ADGRG6: variants seen among roughly 807,000 people sequenced by gnomAD.
The protein encoded by ADGRG6 is adhesion G protein-coupled receptor G6.
Under a neutral mutation model 142.4 loss-of-function variants are expected in ADGRG6, and 84 were observed. The ratio of observed to expected loss-of-function variants is 0.59; its 90% CI spans 0.49 to 0.71. The LOEUF is 0.71. Among genes scored for constraint, ADGRG6 ranks in the 30% least tolerant of loss-of-function variants. ADGRG6 has a pLI of 0.00. For synonymous variants in ADGRG6, 521 were observed against 520.5 expected, an observed-to-expected ratio of 1.00 and a Z score of -0.01; for missense variants, 1,367 against 1,466.6, an observed-to-expected ratio of 0.93 and a Z score of 1.11.
chr6:142,374,696 C>T (rs1204149837), intron 4 of ADGRG6, among the ~76,000 whole-genome samples: 2 of 152,200 alleles, frequency 1.3e-5, no homozygotes, highest in African/African-American at 4.8e-5. Context: ...GTGGCAGAGG[C>T]AGTTGGTGGG....
rs71643377 is a variant in ADGRG6, at chr6:142,370,813, C to CT, written c.1069+37dup. On this transcript the variant is annotated intron_variant, in intron 4 of 24. Coordinates refer to ENST00000367609, the MANE Select transcript of ADGRG6 (RefSeq NM_198569.3). The stretch of plus-strand genomic sequence containing the variant: ...GCTGTGGTGAGTTTGTAGCGTATTC[C>CT]TTTTTTTTTTTTTTTTTAGCATTAT... The CT allele has an allele frequency of 0.043, 61,863 of 1,445,228 alleles. 36 individuals carry two copies. Among genetic ancestry groups the CT allele is most frequent in the East Asian group, 0.066 (2,709 of 41,184 alleles). The allele number at this position is 1,445,228 out of a possible 1,614,324, so 89.5% of individuals were successfully genotyped here.
chr6:142,348,921 T>C (rs1780030853), intron 2 of ADGRG6, among the ~76,000 whole-genome samples: 1 of 152,212 alleles, frequency 6.6e-6, no homozygotes, highest in South Asian at 2.1e-4. Flanking sequence ...AACTTTTTTT[T>C]CTTGATCTTA....
At chr6:142,318,312 T>C (rs1484267356) in intron 2 of ADGRG6, among the ~76,000 whole-genome samples, 8 of 92,924 alleles carry the variant, frequency 8.6e-5, no homozygotes, top group Non-Finnish European at 1.4e-4. Flanking sequence ...ATTTATATTA[T>C]ATATTTATAT....
In ADGRG6 at chr6:142,337,388, C is replaced by T. The variant is rs779458983; in HGVS notation, c.103+27744C>T. 8.5e-4 allele frequency among the ~76,000 whole-genome samples: 130 copies of T among 152,258 alleles called. 3 individuals carry two copies. The highest frequency in any genetic ancestry group is 6.8e-3 in the Middle Eastern group (2 of 294). On this transcript the variant is annotated intron_variant, in intron 2 of 24. Transcript: ENST00000367609. ...AAATAGAATGTGGTTCAGTTTTAATCATATATGAACTGTTTTAATGAGTGC... is the reference window on the plus strand; with the variant it reads ...AAATAGAATGTGGTTCAGTTTTAATTATATATGAACTGTTTTAATGAGTGC...
intron 22 of ADGRG6, among the ~76,000 whole-genome samples, chr6:142,423,507 C>G (rs1280672447): frequency 6.6e-6 from 1 of 150,520 alleles, no homozygotes; most frequent in Non-Finnish European, 1.5e-5. Flanking sequence ...TCTGAGGGCT[C>G]TGTTCTGTTC....
chr6:142,402,059 G>A lies in ADGRG6; in HGVS notation c.1744+1G>A. Reference sequence around the variant, plus strand: ...CCTGTTGATATCTCCAACTGTTTAAGTAAGTGAGCAGTTTTCCTTTATTTC... The same window carrying A: ...CCTGTTGATATCTCCAACTGTTTAAATAAGTGAGCAGTTTTCCTTTATTTC... On this transcript the variant is annotated splice_donor_variant, in intron 12 of 24. Coordinates refer to ENST00000367609, the MANE Select transcript of ADGRG6 (RefSeq NM_198569.3). LOFTEE classifies it high-confidence loss of function. 1 of 1,484,286 alleles carries A rather than the reference G, an allele frequency of 6.7e-7. No homozygotes were observed. Among genetic ancestry groups the A allele is most frequent in the Non-Finnish European group, 9.3e-7 (1 of 1,072,804 alleles). 91.9% of individuals were successfully genotyped at this position (1,484,286 alleles called of 1,614,324 possible). A position where few individuals can be genotyped will look rare whatever the true frequency, so the allele number is the denominator to read the frequency against.
chr6:142,408,344 T>C lies in ADGRG6; in HGVS notation c.2388+75T>C, dbSNP rs945745260. On this transcript the variant is annotated intron_variant, in intron 16 of 24. Coordinates refer to ENST00000367609, the MANE Select transcript of ADGRG6 (RefSeq NM_198569.3). Reference sequence around the variant, plus strand: ...TACTAGTGGGGCCTTTTTTTCTACATGTTAAAAAGTAACTGACCCTTTTTT... The same window carrying C: ...TACTAGTGGGGCCTTTTTTTCTACACGTTAAAAAGTAACTGACCCTTTTTT... 8.8e-6 allele frequency: 10 copies of C among 1,138,500 alleles called. No homozygotes were observed. In the African/African-American group the frequency reaches 1.3e-4, roughly 14 times the overall value. 70.5% of individuals were successfully genotyped at this position (1,138,500 alleles called of 1,614,324 possible).
rs769627049 is a variant in ADGRG6, at chr6:142,445,093, T to A, written c.*1578T>A. ...CCTCTCACCTTTTGCTGAGCTTCAA[T>A]CAGGAAGCTATTTGCCTGGCTCCAG... On this transcript the variant is annotated 3_prime_UTR_variant, in exon 25 of 25. Coordinates refer to ENST00000367609, the MANE Select transcript of ADGRG6 (RefSeq NM_198569.3). 3.9e-5 allele frequency: 6 copies of A among 152,122 alleles called. No individual in the cohort carries two copies. The highest frequency in any genetic ancestry group is 7.4e-5 in the Non-Finnish European group (5 of 68,014). 9.4% of individuals were successfully genotyped at this position (152,122 alleles called of 1,614,324 possible).
At position 142,438,297 on chromosome 6, in the gene ADGRG6, C is replaced by G; in HGVS notation, c.3507C>G (p.Asn1169Lys). 6.2e-7 allele frequency: 1 copy of G among 1,607,004 alleles called. No individual in the cohort carries two copies. Among genetic ancestry groups the G allele is most frequent in the African/African-American group, 1.3e-5 (1 of 74,774 alleles). The change falls in exon 24 of 25, where the codon AAC becomes AAG. Residue 1169 changes from asparagine to lysine, a missense_variant. By Grantham distance (94) the Asn-to-Lys change is moderately conservative. This residue lies in a region of ADGRG6 where 344 missense variants were observed against 348.7 expected (regional missense o/e 0.99). Transcript: ENST00000367609. ...TGTCTTCAAGCTCCATTGGTTCCAA[C>G]TCAACCTATCTTACATCCAAATCTA... ...KSLSSSSIGSNSTYLTSKSKS... is the reference protein window; with the variant it reads ...KSLSSSSIGSKSTYLTSKSKS...
chr6:142,397,819 C>A, intron 10 of ADGRG6, 64 bp downstream of exon 10: 1 of 1,049,736 alleles, frequency 9.5e-7, no homozygotes, highest in Non-Finnish European at 1.3e-6. Flanking sequence ...TTACTTGAAA[C>A]AACAGCAGAA....
intron 2 of ADGRG6, among the ~76,000 whole-genome samples, chr6:142,328,844 C>T (rs968673195): frequency 2.6e-5 from 4 of 152,266 alleles, no homozygotes; most frequent in Admixed American, 2.6e-4. Flanking sequence ...GTTTTAAACT[C>T]TTAATCGATG....
intron 2 of ADGRG6, among the ~76,000 whole-genome samples, chr6:142,311,680 G>T (rs929041472): frequency 6.6e-6 from 1 of 151,700 alleles, no homozygotes; most frequent in South Asian, 2.1e-4. Context: ...GCTTCTCTAG[G>T]TAACACCTAG....
At chr6:142,413,635 T>C (rs1306777056) in intron 18 of ADGRG6, among the ~76,000 whole-genome samples, 1 of 152,180 alleles carries the variant, frequency 6.6e-6, no homozygotes, top group Non-Finnish European at 1.5e-5. Flanking sequence ...TTCATCTCTC[T>C]GGGCTGATGA....
chr6:142,390,162 T>C, intron 6 of ADGRG6, 96 bp from the exon 7 acceptor site: 1 of 476,226 alleles, frequency 2.1e-6, no homozygotes, highest in Non-Finnish European at 3.6e-6. Context: ...AACTATATGA[T>C]TATGTAAGAC....
At chr6:142,440,747 A>G (rs1173777678) in intron 24 of ADGRG6, among the ~76,000 whole-genome samples, 1 of 152,184 alleles carries the variant, frequency 6.6e-6, no homozygotes, top group Non-Finnish European at 1.5e-5. Context: ...TTTACAGTCA[A>G]CTGACTTCAC....
At position 142,309,563 on chromosome 6, in the gene ADGRG6, A is replaced by T; in HGVS notation, c.22A>T (p.Met8Leu). 6.2e-7 allele frequency: 1 copy of T among 1,609,160 alleles called. No homozygotes were observed. The highest frequency in any genetic ancestry group is 8.5e-7 in the Non-Finnish European group (1 of 1,177,278). ...TTGCAGGATGTTTCGCTCAGATCGA[A>T]TGTGGAGCTGCCATTGGAAATGGAA... Reference protein sequence around the residue: MMFRSDRMWSCHWKWKPS... With the variant: MMFRSDRLWSCHWKWKPS... The change falls in exon 2 of 25, where the codon ATG (methionine) becomes TTG (leucine). Residue 8 changes from methionine (M) to leucine (L), a missense_variant. Met to Leu is a conservative substitution (Grantham distance 15). Around this residue, in one of 3 missense-constraint regions of ADGRG6, gnomAD observed 737 missense variants for 746.5 expected, o/e 0.99. Transcript: ENST00000367609.
chr6:142,318,277 T>A (rs1171422007), intron 2 of ADGRG6, among the ~76,000 whole-genome samples: 1 of 61,952 alleles, frequency 1.6e-5, no homozygotes, highest in East Asian at 3.6e-4. Flanking sequence ...TATATTTATA[T>A]TATATATATT....
intron 2 of ADGRG6, among the ~76,000 whole-genome samples, chr6:142,342,301 A>G (rs1350506468): frequency 1.3e-5 from 2 of 152,168 alleles, no homozygotes; most frequent in Non-Finnish European, 2.9e-5. Context: ...TAAATTCCAG[A>G]GAAGATGCAT....
At chr6:142,436,703 C>T (rs1430778584) in intron 22 of ADGRG6, among the ~76,000 whole-genome samples, 2 of 152,044 alleles carry the variant, frequency 1.3e-5, no homozygotes, top group African/African-American at 4.8e-5. Flanking sequence ...AGAGAAAGAT[C>T]GATGATGCCT....
Sources: gnomAD v4.1 joint callset for allele counts (sites outside exome capture counted in the v4.1 genomes callset) on GRCh38, gnomAD v4.1.1 for gene constraint, gnomAD v4.1.1 regional missense constraint, MANE v1.5 for transcripts, NCBI Gene and HGNC (gene_info 2026-07-23, HGNC 2026-07-21) for gene names.